The following FAM120A variants were observed in gnomAD, a reference collection of about 807,000 sequenced individuals.
The protein encoded by FAM120A is family with sequence similarity 120 member A.
A neutral mutation model predicts 109.7 loss-of-function variants in FAM120A; 15 were observed. The ratio of observed to expected loss-of-function variants is 0.14; its 90% confidence interval spans 0.09 to 0.21. The LOEUF is 0.21. FAM120A is among the 10% of genes least tolerant of loss of function. FAM120A has a pLI of 1.00. For missense variants in FAM120A, 899 were observed against 1,439.3 expected (o/e 0.62, Z 6.07); for synonymous variants, 493 against 572.8 (o/e 0.86, Z 1.99).
chr9:93,533,926 A>T lies in FAM120A; in HGVS notation c.1909+1597A>T, dbSNP rs562205893. Among the ~76,000 whole-genome samples, 3 of 152,330 alleles carry T rather than the reference A, an allele frequency of 2.0e-5. No homozygotes were observed. In the East Asian group the frequency reaches 5.8e-4, roughly 29 times the overall value. ...CAAACTCCTTCAGGCATTTCCAATG[A>T]TCACCTCAGGTTGAATAGGAACAGG... On this transcript the variant is annotated intron_variant, in intron 10 of 17. Transcript: ENST00000277165.
In FAM120A at chr9:93,452,787, C is replaced by T. The variant is rs1857327870; in HGVS notation, c.474+398C>T. 1 of 1,592,786 alleles carries T rather than the reference C, an allele frequency of 6.3e-7. No individual in the cohort carries two copies. Among genetic ancestry groups the T allele is most frequent in the Non-Finnish European group, 8.5e-7 (1 of 1,177,880 alleles). ...CCTTTTCTAATTTAGCCTGTTCTTT[C>T]CCAGCAACAGGTTCATCTTGGAAGC... On this transcript the variant is annotated intron_variant, in intron 1 of 17. Transcript: ENST00000277165. The surrounding 1 kb of genome is among the most constrained non-coding windows in gnomAD (Gnocchi z 7.0).
At chr9:93,522,608 TA>T (rs924717680) in intron 7 of FAM120A, among the ~76,000 whole-genome samples, 1 of 152,220 alleles carries the variant, frequency 6.6e-6, no homozygotes, top group African/African-American at 2.4e-5. Context: ...TTTAAATGGA[TA>T]TGTAAAAGTC....
At chr9:93,456,131 G>A (rs1857539602) in intron 1 of FAM120A, among the ~76,000 whole-genome samples, 1 of 152,148 alleles carries the variant, frequency 6.6e-6, no homozygotes, top group Non-Finnish European at 1.5e-5. Context: ...GACTAGTTTT[G>A]TGTAGGTCCT....
chr9:93,511,814 A>G (rs1860334704), intron 5 of FAM120A, among the ~76,000 whole-genome samples: 1 of 152,184 alleles, frequency 6.6e-6, no homozygotes. Flanking sequence ...TATTTATGAG[A>G]TGGAGTCTCA....
intron 3 of FAM120A, among the ~76,000 whole-genome samples, chr9:93,476,788 A>G (rs1858567847): frequency 6.6e-6 from 1 of 152,238 alleles, no homozygotes; most frequent in Admixed American, 6.5e-5. Context: ...GGAGACTCAA[A>G]TGGAAGTGAT....
At chr9:93,544,295 G>T (rs957414740) in intron 11 of FAM120A, among the ~76,000 whole-genome samples, 2 of 152,280 alleles carry the variant, frequency 1.3e-5, no homozygotes, top group Middle Eastern at 6.8e-3. Context: ...GTGTTTCCCT[G>T]CTCCAGCATC....
At chr9:93,516,592 C>T (rs1177897674) in intron 7 of FAM120A, among the ~76,000 whole-genome samples, 1 of 152,064 alleles carries the variant, frequency 6.6e-6, no homozygotes, top group Non-Finnish European at 1.5e-5. Flanking sequence ...GGTGTGGTGC[C>T]ACTCACACCC....
At chr9:93,562,156 G>T in intron 16 of FAM120A, 52 bp from the exon 17 acceptor site, 17 of 1,385,276 alleles carry the variant, frequency 1.2e-5, no homozygotes, top group Non-Finnish European at 1.6e-5. Context: ...TATTTTAAAT[G>T]TTGTCTGTAA....
intron 3 of FAM120A, among the ~76,000 whole-genome samples, chr9:93,496,807 T>C (rs536249221): frequency 6.6e-6 from 1 of 152,378 alleles, no homozygotes; most frequent in East Asian, 1.9e-4. Context: ...GCTGGTCTTC[T>C]TTTTCAACCT....
chr9:93,546,213 T>A (rs1861884501), intron 11 of FAM120A, among the ~76,000 whole-genome samples: 2 of 152,206 alleles, frequency 1.3e-5, no homozygotes, highest in Non-Finnish European at 2.9e-5. Flanking sequence ...TTCTGTGAGA[T>A]CAAATTAGCA....
intron 2 of FAM120A, among the ~76,000 whole-genome samples, chr9:93,474,118 T>G (rs1026231306): frequency 2.6e-5 from 4 of 152,218 alleles, no homozygotes; most frequent in Admixed American, 6.5e-5. Flanking sequence ...TCAATTTAAT[T>G]TAGGGCTTGC....
chr9:93,541,138 A>G (rs1208339995), intron 10 of FAM120A, among the ~76,000 whole-genome samples: 1 of 151,908 alleles, frequency 6.6e-6, no homozygotes, highest in Non-Finnish European at 1.5e-5. Flanking sequence ...TGATGTGTGC[A>G]TGGTATGAAA....
intron 5 of FAM120A, among the ~76,000 whole-genome samples, chr9:93,508,279 C>T (rs1860154922): frequency 6.6e-6 from 1 of 152,196 alleles, no homozygotes; most frequent in Non-Finnish European, 1.5e-5. Context: ...AGATGCTACA[C>T]AGTGATGAGC....
At chr9:93,527,842 C>G (rs982846777) in intron 8 of FAM120A, among the ~76,000 whole-genome samples, 1 of 151,878 alleles carries the variant, frequency 6.6e-6, no homozygotes, top group Non-Finnish European at 1.5e-5. Context: ...AGGCTAGTCT[C>G]GAACCCTTGA....
chr9:93,522,012 G>A (rs13294069), intron 7 of FAM120A, among the ~76,000 whole-genome samples: 55 of 152,264 alleles, frequency 3.6e-4, no homozygotes, highest in Admixed American at 1.3e-3. Flanking sequence ...CCTGGGAGGT[G>A]GAGGTTGCAA....
chr9:93,532,478 G>A lies in FAM120A; in HGVS notation c.1909+149G>A. On this transcript the variant is annotated intron_variant, in intron 10 of 17. Coordinates refer to ENST00000277165, the MANE Select transcript of FAM120A (RefSeq NM_014612.5). This position sits in a 1 kb window ranked among gnomAD's most constrained non-coding sequence, Gnocchi z 4.3. ...GCCCATCATCGGGGCAGTAGGCCAG[G>A]GTAAAGGCTCTTAGAAAAGGAGGAG... 1.4e-6 allele frequency: 1 copy of A among 728,366 alleles called. No homozygotes were observed. Among genetic ancestry groups the A allele is most frequent in the Non-Finnish European group, 2.3e-6 (1 of 434,436 alleles). 45.1% of individuals were successfully genotyped at this position (728,366 alleles called of 1,614,324 possible). A position where few individuals can be genotyped will look rare whatever the true frequency, so the allele number is the denominator to read the frequency against.
intron 5 of FAM120A, among the ~76,000 whole-genome samples, chr9:93,508,883 A>AC (rs1860187998): frequency 6.6e-6 from 1 of 152,104 alleles, no homozygotes; most frequent in African/African-American, 2.4e-5. Context: ...CCAATAACAT[A>AC]CCCCCCAGAA....
intron 5 of FAM120A, among the ~76,000 whole-genome samples, chr9:93,511,699 T>A (rs1260109751): frequency 3.3e-5 from 5 of 152,188 alleles, no homozygotes; most frequent in African/African-American, 1.2e-4. Context: ...AAATTAAAGG[T>A]GGTAGGGATT....
chr9:93,543,130 T>C (rs1295204218), intron 10 of FAM120A, 92 bp from the exon 11 acceptor site: 1 of 1,491,062 alleles, frequency 6.7e-7, no homozygotes, highest in African/African-American at 1.4e-5. Context: ...GGCGAATCTT[T>C]AGACCAGTTA....
Sources: gnomAD v4.1 joint callset for allele counts (sites outside exome capture counted in the v4.1 genomes callset) on GRCh38, gnomAD v4.1.1 for gene constraint, Gnocchi (gnomAD v3.1) non-coding constraint, MANE v1.5 for transcripts, NCBI Gene and HGNC (gene_info 2026-07-23, HGNC 2026-07-21) for gene names.